NAV2: variants seen among roughly 807,000 people sequenced by gnomAD.
NAV2 encodes the protein neuron navigator 2.
NAV2 carries 54 observed loss-of-function variants against 223.2 expected under a neutral mutation model. That is an observed-to-expected ratio of 0.24 (90% CI 0.19 to 0.30). The LOEUF (loss-of-function observed/expected upper bound fraction) is 0.30. Among genes scored for constraint, NAV2 ranks in the 10% least tolerant of loss-of-function variants. The pLI is 1.00. For missense variants in NAV2, 2,806 were observed against 3,147.5 expected (o/e 0.89, Z 2.60); for synonymous variants, 1,279 against 1,239.3 (o/e 1.03, Z -0.67).
At chr11:19,889,783 AT>A in intron 5 of NAV2, among the ~76,000 whole-genome samples, 1 of 152,372 alleles carries the variant, frequency 6.6e-6, no homozygotes, top group Admixed American at 6.5e-5. Context: ...TACCCCAAGT[AT>A]AAGATCTCAG....
chr11:20,080,150 C>T lies in NAV2; in HGVS notation c.5266C>T (p.His1756Tyr). Reference sequence around the variant, plus strand: ...CTCCAGCATCAACAGTGCCACCAGCCACTCCAGCGTGGGCAGCAACATAGA... The same window carrying T: ...CTCCAGCATCAACAGTGCCACCAGCTACTCCAGCGTGGGCAGCAACATAGA... Reference protein sequence around the residue: ...SVSSINSATSHSSVGSNIESD... With the variant: ...SVSSINSATSYSSVGSNIESD... The change falls in exon 25 of 38, where the codon CAC becomes TAC. Residue 1756 changes from histidine to tyrosine, a missense_variant. Physicochemically the swap from His to Tyr is moderately conservative, Grantham distance 83. This residue lies in a region of NAV2 where 824 missense variants were observed against 1,069.4 expected (regional missense o/e 0.77). Transcript: ENST00000349880. 1 of 1,614,088 alleles carries T rather than the reference C, an allele frequency of 6.2e-7. No individual in the cohort carries two copies. Among genetic ancestry groups the T allele is most frequent in the Non-Finnish European group, 8.5e-7 (1 of 1,179,974 alleles).
intron 1 of NAV2, among the ~76,000 whole-genome samples, chr11:19,648,926 C>T (rs2047891654): frequency 6.6e-6 from 1 of 152,100 alleles, no homozygotes; most frequent in Admixed American, 6.5e-5. Flanking sequence ...TGATATCTTA[C>T]TATGCTAATT....
Position 19,798,712 on chromosome 11 carries a change from A to G in NAV2, c.268-33772A>G, listed in dbSNP as rs187642259. Among the ~76,000 whole-genome samples, 52 of 152,302 alleles carry G rather than the reference A, an allele frequency of 3.4e-4. 1 individual carries two copies. In the East Asian group the frequency reaches 7.0e-3, roughly 20 times the overall value. On this transcript the variant is annotated intron_variant, in intron 1 of 37. Coordinates refer to ENST00000349880, the MANE Select transcript of NAV2 (RefSeq NM_145117.5). ...CATGGGTTATCTCATAGCTGCCTTCATGTGTTCCCATTTTACAGATAGAGA... is the reference window on the plus strand; with the variant it reads ...CATGGGTTATCTCATAGCTGCCTTCGTGTGTTCCCATTTTACAGATAGAGA...
intron 10 of NAV2, among the ~76,000 whole-genome samples, chr11:19,974,460 T>C (rs1234644980): frequency 6.6e-6 from 1 of 152,200 alleles, no homozygotes; most frequent in Non-Finnish European, 1.5e-5. Flanking sequence ...TATTGGTTCA[T>C]CAGTTGCAAC....
rs555426482 is a variant in NAV2 at position 20,027,315 on chromosome 11, C to T, written c.2769-8644C>T. The T allele has an allele frequency of 1.3e-5, 13 of 985,442 alleles. No homozygotes were observed. In the African/African-American group the frequency reaches 1.9e-4, roughly 15 times the overall value. 61.0% of individuals were successfully genotyped at this position (985,442 alleles called of 1,614,324 possible). On this transcript the variant is annotated intron_variant, in intron 11 of 37. Transcript: ENST00000349880. ...TCGTTCCGCTCGGGCCCCGGGGTTT[C>T]ACGGGAACAATTGCCTTGAACAATA...
At chr11:19,375,594 G>C (rs568172821) in intron 1 of NAV2, among the ~76,000 whole-genome samples, 1 of 152,278 alleles carries the variant, frequency 6.6e-6, no homozygotes, top group South Asian at 2.1e-4. Context: ...TGCTGCTTGA[G>C]GGTACAGTTT....
chr11:19,633,416 C>T lies in NAV2; in HGVS notation c.76-199068C>T, dbSNP rs145858315. 2.2e-4 allele frequency among the ~76,000 whole-genome samples: 33 copies of T among 152,364 alleles called. No individual in the cohort carries two copies. The East Asian group carries it at 5.0e-3, about 23-fold the overall frequency. ...AGAGGTACTCAGCCCGCCAAGAGGCCGCGGTGCTCACAGCTGCCAGTGGAG... is the reference window on the plus strand; with the variant it reads ...AGAGGTACTCAGCCCGCCAAGAGGCTGCGGTGCTCACAGCTGCCAGTGGAG... On this transcript the variant is annotated intron_variant, in intron 1 of 37. Coordinates refer to the NAV2 transcript ENST00000360655.
rs544932433 is a variant in NAV2 at position 19,562,315 on chromosome 11, G to A, written c.75+211288G>A. Among the ~76,000 whole-genome samples the A allele has an allele frequency of 8.7e-4, 133 of 152,246 alleles. 2 individuals are homozygous for A. The South Asian group carries it at 0.012, about 14-fold the overall frequency. ...TATTATGCCTGACCACCAACCCTTT[G>A]GGGCAAATCCGCTCTCAGAGGGTGG... On this transcript the variant is annotated intron_variant, in intron 1 of 37. Transcript: ENST00000360655.
At chr11:19,927,132 A>T (rs2044833375) in intron 6 of NAV2, among the ~76,000 whole-genome samples, 7 of 152,190 alleles carry the variant, frequency 4.6e-5, no homozygotes, top group Admixed American at 4.6e-4. Flanking sequence ...GAGAAAAAAA[A>T]TTCCTTTTCT....
intron 1 of NAV2, chr11:19,384,912 A>G (rs1027513085): frequency 2.0e-5 from 3 of 152,218 alleles, no homozygotes; most frequent in Non-Finnish European, 2.9e-5. Context: ...TGAATCACAG[A>G]CTGAAAGAAT....
chr11:19,983,067 C>A (rs2050441684), intron 10 of NAV2, among the ~76,000 whole-genome samples: 1 of 152,050 alleles, frequency 6.6e-6, no homozygotes, highest in Non-Finnish European at 1.5e-5. Flanking sequence ...CTGATGGGGC[C>A]CATAAGGGAT....
At chr11:20,003,980 G>C (rs1441369546) in intron 11 of NAV2, among the ~76,000 whole-genome samples, 1 of 152,186 alleles carries the variant, frequency 6.6e-6, no homozygotes, top group African/African-American at 2.4e-5. Flanking sequence ...GCTCATGTGA[G>C]TTCAGGAATA....
In NAV2 at chr11:19,587,870, C is replaced by T. The variant is rs1162322088; in HGVS notation, c.75+236843C>T. Among the ~76,000 whole-genome samples, 5 of 152,330 alleles carry T rather than the reference C, an allele frequency of 3.3e-5. No individual in the cohort carries two copies. The South Asian group carries it at 1.0e-3, about 32-fold the overall frequency. ...TTTAGTCCAAGGCTAACATTTCTAGCCAGTGGATAGCTCTTCTCCACCCAA... is the reference window on the plus strand; with the variant it reads ...TTTAGTCCAAGGCTAACATTTCTAGTCAGTGGATAGCTCTTCTCCACCCAA... On this transcript the variant is annotated intron_variant, in intron 1 of 37. Coordinates refer to the NAV2 transcript ENST00000360655.
chr11:20,098,824 G>A (rs932482001), intron 31 of NAV2, among the ~76,000 whole-genome samples: 3 of 152,208 alleles, frequency 2.0e-5, no homozygotes, highest in Non-Finnish European at 4.4e-5. Flanking sequence ...GGCAATCCAG[G>A]GGTACACCTC....
At chr11:19,362,352 T>G (rs966872294) in intron 1 of NAV2, among the ~76,000 whole-genome samples, 2 of 152,222 alleles carry the variant, frequency 1.3e-5, no homozygotes, top group Non-Finnish European at 2.9e-5. Context: ...CCACCTTATG[T>G]GTCTTTAAAT....
chr11:19,499,179 A>G (rs530385275), intron 1 of NAV2, among the ~76,000 whole-genome samples: 1 of 152,162 alleles, frequency 6.6e-6, no homozygotes, highest in South Asian at 2.1e-4. Context: ...TGAAATTCTA[A>G]CCTCATCTAA....
At chr11:19,571,986 T>C (rs2045440762) in intron 1 of NAV2, among the ~76,000 whole-genome samples, 2 of 152,142 alleles carry the variant, frequency 1.3e-5, no homozygotes, top group Non-Finnish European at 2.9e-5. Context: ...AAGCACTCAC[T>C]GTGTTAGGGA....
intron 1 of NAV2, among the ~76,000 whole-genome samples, chr11:19,831,329 T>C (rs892688319): frequency 3.8e-4 from 55 of 146,484 alleles, no homozygotes; most frequent in African/African-American, 1.3e-3. Flanking sequence ...GATGAGACCA[T>C]ATGCTGCTCT....
chr11:19,934,035 A>C lies in NAV2; in HGVS notation c.1791A>C (p.Gly597=). The stretch of plus-strand genomic sequence containing the variant: ...GCCGGAGTGGGAAGCTGAGCTCAGG[A>C]CTCCCCCAGCAGAAGCCCCAGCTGG... ...ERSRSGKLSS[G]LPQQKPQLDG... is the part of the protein sequence containing the mutation. Residue 597 remains glycine, a synonymous_variant, in exon 7 of 38, where the codon GGA becomes GGC. Coordinates refer to ENST00000349880, the MANE Select transcript of NAV2 (RefSeq NM_145117.5). 1 of 1,598,398 alleles carries C rather than the reference A, an allele frequency of 6.3e-7. No individual in the cohort carries two copies. Among genetic ancestry groups the C allele is most frequent in the Non-Finnish European group, 8.5e-7 (1 of 1,172,788 alleles).
Sources: gnomAD v4.1 joint callset for allele counts (sites outside exome capture counted in the v4.1 genomes callset) on GRCh38, gnomAD v4.1.1 for gene constraint, gnomAD v4.1.1 regional missense constraint, MANE v1.5 for transcripts, NCBI Gene and HGNC (gene_info 2026-07-23, HGNC 2026-07-21) for gene names.